ACSM3: variants seen among roughly 807,000 people sequenced by gnomAD.
ACSM3 encodes acyl-coenzyme A synthetase ACSM3, mitochondrial.
ACSM3 carries 61 observed loss-of-function variants against 74.1 expected under a neutral mutation model. That is an observed-to-expected ratio of 0.82 (90% confidence interval 0.67 to 1.02). The LOEUF (loss-of-function observed/expected upper bound fraction) is 1.02. Among genes scored for constraint, ACSM3 ranks in the 50% least tolerant of loss-of-function variants. The pLI is 0.00. For synonymous variants in ACSM3, 213 were observed against 241.5 expected (o/e 0.88, Z 1.09); for missense variants, 660 against 697.0 (o/e 0.95, Z 0.60).
chr16:20,737,694 TAA>T, intron 1 of ACSM3: 1 of 1,591,874 alleles, frequency 6.3e-7, no homozygotes, highest in Non-Finnish European at 8.5e-7. Context: ...GGAAAATCAC[TAA>T]GAGAAACATA....
At chr16:20,730,834 A>G (rs1037056057) in intron 1 of ACSM3, among the ~76,000 whole-genome samples, 1 of 152,176 alleles carries the variant, frequency 6.6e-6, no homozygotes, top group Non-Finnish European at 1.5e-5. Flanking sequence ...AGATAGATCA[A>G]TCTTTCCTGA....
chr16:20,734,658 G>A (rs1192883354), intron 1 of ACSM3: 1 of 152,100 alleles, frequency 6.6e-6, no homozygotes, highest in African/African-American at 2.4e-5. Context: ...TCTTAATCTG[G>A]ACAGTTAATT....
chr16:20,700,085 G>C (rs186620687), intron 1 of ACSM3, among the ~76,000 whole-genome samples: 2 of 152,284 alleles, frequency 1.3e-5, no homozygotes, highest in African/African-American at 4.8e-5. Context: ...TATGGAGATA[G>C]TGACATCGTA....
chr16:20,682,402 CT>C, intron 1 of ACSM3: 3 of 1,614,030 alleles, frequency 1.9e-6, no homozygotes, highest in Non-Finnish European at 2.5e-6. Flanking sequence ...CTTTAGACAA[CT>C]GTAGTCGATA....
chr16:20,744,081 C>G (rs1425556483), intron 1 of ACSM3, among the ~76,000 whole-genome samples: 2 of 152,190 alleles, frequency 1.3e-5, no homozygotes, highest in East Asian at 3.8e-4. Flanking sequence ...CTTTGAAATT[C>G]AACCGGCCCA....
chr16:20,729,423 G>A (rs565518336), intron 1 of ACSM3: 4 of 905,116 alleles, frequency 4.4e-6, no homozygotes, highest in Non-Finnish European at 7.3e-6. Flanking sequence ...ACTGGAGGAT[G>A]TGGTGGTCAA....
rs1452837500 is a variant in ACSM3 at position 20,790,732 on chromosome 16, A to G, written c.1326+44A>G. ...AATCTCATTTTCTATTTATTTCTCA[A>G]GTGCTTGGTAACAATCCCTGTTTGC... On this transcript the variant is annotated intron_variant, in intron 10 of 13. Coordinates refer to ENST00000289416, the MANE Select transcript of ACSM3 (RefSeq NM_005622.4). The surrounding 1 kb of genome is among the most constrained non-coding windows in gnomAD (Gnocchi z 4.0). 1.9e-6 allele frequency: 3 copies of G among 1,613,896 alleles called. No homozygotes were observed. Among genetic ancestry groups the G allele is most frequent in the South Asian group, 2.2e-5 (2 of 91,066 alleles).
Position 20,790,697 on chromosome 16 carries a change from C to T in ACSM3, c.1326+9C>T. The T allele has an allele frequency of 1.2e-6, 2 of 1,613,924 alleles. No individual in the cohort carries two copies. Among genetic ancestry groups the T allele is most frequent in the East Asian group, 2.2e-5 (1 of 44,868 alleles). On this transcript the variant is annotated intron_variant, in intron 10 of 13. Coordinates refer to ENST00000289416, the MANE Select transcript of ACSM3 (RefSeq NM_005622.4). This position sits in a 1 kb window ranked among gnomAD's most constrained non-coding sequence, Gnocchi z 4.0. ...TTTTTACTCATTACGTAGTAAGTGA[C>T]TTACTAAATAATCTCATTTTCTATT...
chr16:20,740,339 G>A (rs929368893), intron 1 of ACSM3, among the ~76,000 whole-genome samples: 1 of 152,208 alleles, frequency 6.6e-6, no homozygotes, highest in Non-Finnish European at 1.5e-5. Flanking sequence ...AAGTTGCAGT[G>A]AGCAAGAGCA....
At chr16:20,756,570 C>T (rs180949049) in intron 3 of ACSM3, among the ~76,000 whole-genome samples, 265 of 152,210 alleles carry the variant, frequency 1.7e-3, no homozygotes, top group Middle Eastern at 6.8e-3. Context: ...AAAATTTTCT[C>T]CCATTTTGTA....
intron 2 of ACSM3, among the ~76,000 whole-genome samples, chr16:20,754,380 G>A (rs2080012498): frequency 6.6e-6 from 1 of 152,228 alleles, no homozygotes; most frequent in East Asian, 1.9e-4. Context: ...AACACTCAGG[G>A]TTCCCACATA....
intron 1 of ACSM3, among the ~76,000 whole-genome samples, chr16:20,764,341 C>T (rs996904223): frequency 6.6e-6 from 1 of 152,206 alleles, no homozygotes; most frequent in African/African-American, 2.4e-5. Context: ...AATGTAGCAG[C>T]TGAGTTTTCA....
intron 4 of ACSM3, among the ~76,000 whole-genome samples, chr16:20,779,086 GA>G (rs1285503509): frequency 1.3e-5 from 2 of 152,050 alleles, no homozygotes; most frequent in Admixed American, 1.3e-4. Flanking sequence ...AGATAATTAT[GA>G]AATCATAGAC....
chr16:20,684,461 C>G (rs754761147), intron 1 of ACSM3, among the ~76,000 whole-genome samples: 20 of 152,232 alleles, frequency 1.3e-4, no homozygotes, highest in African/African-American at 3.6e-4. Flanking sequence ...CAGAATATAC[C>G]CCCTGATGTG....
intron 3 of ACSM3, among the ~76,000 whole-genome samples, chr16:20,776,265 T>G (rs1466877036): frequency 6.6e-6 from 1 of 152,100 alleles, no homozygotes; most frequent in Non-Finnish European, 1.5e-5. Context: ...TCACAAAAAT[T>G]GTTGTGTTGC....
chr16:20,759,618 G>A (rs1253668565), upstream of ACSM3, among the ~76,000 whole-genome samples: 1 of 151,324 alleles, frequency 6.6e-6, no homozygotes, highest in Non-Finnish European at 1.5e-5. Flanking sequence ...TGAGCATGAG[G>A]AAGTTCTAGG....
chr16:20,679,737 C>A (rs531583626), intron 1 of ACSM3: 1 of 152,272 alleles, frequency 6.6e-6, no homozygotes, highest in African/African-American at 2.4e-5. Flanking sequence ...TAGGAACCTG[C>A]ACATACAACC....
intron 1 of ACSM3, among the ~76,000 whole-genome samples, chr16:20,717,478 C>T (rs144242219): frequency 5.7e-4 from 87 of 152,250 alleles, no homozygotes; most frequent in Non-Finnish European, 1.0e-3. Flanking sequence ...CTACAGATGT[C>T]GAAGATATTG....
chr16:20,715,416 C>T (rs1321517135), intron 1 of ACSM3, among the ~76,000 whole-genome samples: 10 of 151,956 alleles, frequency 6.6e-5, no homozygotes, highest in South Asian at 2.1e-4. Flanking sequence ...CCAGCCTGGC[C>T]GACATGGTGA....
Sources: gnomAD v4.1 joint callset for allele counts (sites outside exome capture counted in the v4.1 genomes callset) on GRCh38, gnomAD v4.1.1 for gene constraint, Gnocchi (gnomAD v3.1) non-coding constraint, MANE v1.5 for transcripts, NCBI Gene and HGNC (gene_info 2026-07-23, HGNC 2026-07-21) for gene names.